AGMO: variants seen among roughly 807,000 people sequenced by gnomAD.
AGMO encodes the protein glyceryl-ether monooxygenase.
A neutral mutation model predicts 60.2 loss-of-function variants in AGMO; 75 were observed. The observed-to-expected ratio is 1.25, with a 90% CI of 1.03 to 1.51. AGMO has a LOEUF of 1.51. Among genes scored for constraint, AGMO ranks in the 40% most tolerant of loss-of-function variants. AGMO has a pLI of 0.00. For missense variants in AGMO, 763 were observed against 525.5 expected, an observed-to-expected ratio of 1.45 and a Z score of -4.42; for synonymous variants, 261 against 177.1, an observed-to-expected ratio of 1.47 and a Z score of -3.76.
chr7:15,199,831 C>T (rs1461196248), downstream of AGMO, among the ~76,000 whole-genome samples: 1 of 152,176 alleles, frequency 6.6e-6, no homozygotes, highest in African/African-American at 2.4e-5. Flanking sequence ...GCCAAACCCA[C>T]TTCTGATACT....
At chr7:15,364,964 T>C (rs1168461204) in intron 12 of AGMO, among the ~76,000 whole-genome samples, 1 of 151,992 alleles carries the variant, frequency 6.6e-6, no homozygotes, top group East Asian at 1.9e-4. Flanking sequence ...GCCTAGATTC[T>C]AAACAATAAA....
At chr7:15,459,354 C>T (rs1323819510) in intron 3 of AGMO, among the ~76,000 whole-genome samples, 5 of 152,092 alleles carry the variant, frequency 3.3e-5, no homozygotes, top group South Asian at 2.1e-4. Flanking sequence ...AGAAAAGGTG[C>T]TTCTGGGCAG....
At chr7:15,360,953 G>C (rs556573918) in intron 12 of AGMO, among the ~76,000 whole-genome samples, 1 of 152,124 alleles carries the variant, frequency 6.6e-6, no homozygotes, top group Non-Finnish European at 1.5e-5. Flanking sequence ...AAATAAAGCA[G>C]AAATAAGCAG....
At chr7:15,437,601 C>T (rs67606406) in intron 3 of AGMO, among the ~76,000 whole-genome samples, 5,827 of 142,624 alleles carry the variant, frequency 0.041, 149 homozygotes, top group Non-Finnish European at 0.06. Flanking sequence ...GTGGTGGGAT[C>T]TCCCCTCACT....
At chr7:15,324,722 A>T (rs1043517107) in intron 12 of AGMO, among the ~76,000 whole-genome samples, 9 of 152,144 alleles carry the variant, frequency 5.9e-5, no homozygotes, top group African/African-American at 1.9e-4. Context: ...GTTCCACCTC[A>T]GATCATCAGG....
chr7:15,390,212 T>C (rs1784080461), intron 8 of AGMO, among the ~76,000 whole-genome samples: 1 of 151,856 alleles, frequency 6.6e-6, no homozygotes, highest in Non-Finnish European at 1.5e-5. Flanking sequence ...AGCGAGGTAA[T>C]GCACAGACTT....
intron 3 of AGMO, among the ~76,000 whole-genome samples, chr7:15,532,686 G>C (rs972725979): frequency 7.0e-6 from 1 of 142,706 alleles, no homozygotes; most frequent in East Asian, 2.2e-4. Flanking sequence ...AGAGCATCTT[G>C]TCAACTATAA....
chr7:15,354,839 C>G (rs1782459370), intron 12 of AGMO, among the ~76,000 whole-genome samples: 2 of 150,240 alleles, frequency 1.3e-5, no homozygotes, highest in African/African-American at 4.9e-5. Context: ...AATTTGTTTT[C>G]TAAAAATAAA....
chr7:15,358,542 C>T, intron 12 of AGMO: 3 of 403,504 alleles, frequency 7.4e-6, no homozygotes, highest in South Asian at 5.6e-5. Flanking sequence ...GGATTCCCTT[C>T]TTAGATGCAG....
chr7:15,412,569 G>A (rs1442091913), intron 5 of AGMO, among the ~76,000 whole-genome samples: 1 of 150,828 alleles, frequency 6.6e-6, no homozygotes, highest in African/African-American at 2.4e-5. Context: ...TTGAAAAGTT[G>A]TAAAATTGCT....
intron 10 of AGMO, among the ~76,000 whole-genome samples, chr7:15,374,714 A>G (rs759756372): frequency 1.3e-4 from 20 of 152,104 alleles, no homozygotes; most frequent in Admixed American, 2.0e-4. Flanking sequence ...CCAGTTTCCC[A>G]CCTTGAGAGT....
intron 12 of AGMO, among the ~76,000 whole-genome samples, chr7:15,295,682 A>G (rs953407248): frequency 2.0e-5 from 3 of 152,132 alleles, no homozygotes; most frequent in Non-Finnish European, 2.9e-5. Context: ...GTATAATGCT[A>G]TAATTCTTTC....
intron 3 of AGMO, among the ~76,000 whole-genome samples, chr7:15,439,964 T>A (rs777646630): frequency 2.0e-5 from 3 of 152,074 alleles, no homozygotes. Context: ...TAGAGCCCTG[T>A]CCAAAACCAC....
chr7:15,175,101 G>A, the AGMO span, among the ~76,000 whole-genome samples: 1 of 151,750 alleles, frequency 6.6e-6, no homozygotes, highest in Non-Finnish European at 1.5e-5. Context: ...ACCTAACTGT[G>A]TTTTCAAGCA....
At position 15,497,271 on chromosome 7, in the gene AGMO, T is replaced by A. The variant is rs933055546; in HGVS notation, c.409+47501A>T. ...ATATATTTTGGTAAGGGTTTCATGA[T>A]ACAGGCAAGATTTGAACAGTGACTT... is the stretch of plus-strand genomic sequence containing the variant. On this transcript the variant is annotated intron_variant, in intron 3 of 12. Transcript: ENST00000342526. Among the ~76,000 whole-genome samples the A allele has an allele frequency of 2.2e-4, 34 of 152,152 alleles. 1 individual carries two copies. The highest frequency in any genetic ancestry group is 2.9e-5 in the Non-Finnish European group (2 of 68,008).
chr7:15,198,178 C>T (rs891652371), downstream of AGMO, among the ~76,000 whole-genome samples: 6 of 133,732 alleles, frequency 4.5e-5, no homozygotes, highest in Admixed American at 2.4e-4. Flanking sequence ...TTGACGAGTC[C>T]TATTTTTAGG....
chr7:15,367,140 T>A (rs1018217017), intron 10 of AGMO, among the ~76,000 whole-genome samples: 1 of 152,112 alleles, frequency 6.6e-6, no homozygotes, highest in East Asian at 1.9e-4. Flanking sequence ...CTTTAAATAT[T>A]TGTCTCAATT....
At chr7:15,271,869 AACAAAAAGG>A (rs1472025767) in intron 12 of AGMO, among the ~76,000 whole-genome samples, 4 of 152,126 alleles carry the variant, frequency 2.6e-5, no homozygotes, top group African/African-American at 9.7e-5. Flanking sequence ...GAGGGTTTTT[AACAAAAAGG>A]ATGCCAAATT....
intron 12 of AGMO, among the ~76,000 whole-genome samples, chr7:15,279,065 A>C (rs573845848): frequency 6.6e-6 from 1 of 152,224 alleles, no homozygotes; most frequent in East Asian, 1.9e-4. Flanking sequence ...TGGGGAACAA[A>C]AACCTGTGAG....
Sources: gnomAD v4.1 joint callset for allele counts (sites outside exome capture counted in the v4.1 genomes callset) on GRCh38, gnomAD v4.1.1 for gene constraint, MANE v1.5 for transcripts, NCBI Gene and HGNC (gene_info 2026-07-23, HGNC 2026-07-21) for gene names.